The following TENM3 variants were observed in gnomAD, a reference collection of about 807,000 sequenced individuals.
The protein encoded by TENM3 is teneurin-3.
TENM3 carries 63 observed loss-of-function variants against 255.1 expected under a neutral mutation model. That is an observed-to-expected ratio of 0.25 (90% CI 0.20 to 0.30). The LOEUF is 0.30. Ranked by LOEUF, TENM3 falls within the 10% of genes least tolerant of loss-of-function variation. The pLI is 1.00. For missense variants in TENM3, 2,929 were observed against 3,461.1 expected (o/e 0.85, Z 3.86); for synonymous variants, 1,306 against 1,322.3 (o/e 0.99, Z 0.27).
At chr4:181,463,005 C>G in the TENM3 span, among the ~76,000 whole-genome samples, 3 of 152,196 alleles carry the variant, frequency 2.0e-5, no homozygotes, top group African/African-American at 7.2e-5. Context: ...TCTGTCTTGT[C>G]TACACAGTAA....
chr4:181,965,398 A>G, the TENM3 span, among the ~76,000 whole-genome samples: 1 of 152,174 alleles, frequency 6.6e-6, no homozygotes, highest in African/African-American at 2.4e-5. Context: ...GCATGTACAT[A>G]TTGCCGATCT....
the TENM3 span, among the ~76,000 whole-genome samples, chr4:181,597,978 TGG>T: frequency 2.0e-5 from 3 of 152,202 alleles, no homozygotes; most frequent in Non-Finnish European, 4.4e-5. Context: ...TACCATTCTG[TGG>T]GTCATCCCCA....
At chr4:182,486,035 G>A (rs1049078485) in intron 3 of TENM3, among the ~76,000 whole-genome samples, 7 of 152,066 alleles carry the variant, frequency 4.6e-5, no homozygotes, top group African/African-American at 1.4e-4. Flanking sequence ...TGTCGGTTTT[G>A]CAGAGTAGGT....
chr4:182,654,566 CT>C (rs1171393768), intron 6 of TENM3, among the ~76,000 whole-genome samples: 1 of 152,006 alleles, frequency 6.6e-6, no homozygotes, highest in Non-Finnish European at 1.5e-5. Flanking sequence ...TATCCTCTGA[CT>C]TTTTGCAAAA....
At chr4:181,543,251 C>G in the TENM3 span, among the ~76,000 whole-genome samples, 518 of 152,132 alleles carry the variant, frequency 3.4e-3, 4 homozygotes, top group African/African-American at 0.012. Context: ...CAGCTTGAGA[C>G]TGGGGATCTT....
intron 1 of TENM3, among the ~76,000 whole-genome samples, chr4:182,255,051 T>C (rs188505298): frequency 6.6e-6 from 1 of 152,178 alleles, no homozygotes; most frequent in Non-Finnish European, 1.5e-5. Context: ...TCGGAAAATA[T>C]CTTAAATTTC....
chr4:181,796,832 A>C, the TENM3 span, among the ~76,000 whole-genome samples: 1 of 152,336 alleles, frequency 6.6e-6, no homozygotes, highest in East Asian at 1.9e-4. Context: ...GTGGTGTTGC[A>C]TCACCACGTT....
At chr4:182,161,652 T>TATAG (rs1561152567) in intron 1 of TENM3, among the ~76,000 whole-genome samples, 30 of 75,594 alleles carry the variant, frequency 4.0e-4, no homozygotes, top group Middle Eastern at 6.3e-3. Flanking sequence ...TATATATATA[T>TATAG]ACACACACAC....
the TENM3 span, among the ~76,000 whole-genome samples, chr4:181,641,554 G>GTGTATATATATATATATATA: frequency 3.7e-5 from 1 of 26,910 alleles, no homozygotes; most frequent in Non-Finnish European, 6.5e-5. Context: ...TGGTGTGTGT[G>GTGTATATATATATATATATA]TATATATATA....
chr4:181,780,562 A>G, the TENM3 span, among the ~76,000 whole-genome samples: 1 of 152,178 alleles, frequency 6.6e-6, no homozygotes, highest in Non-Finnish European at 1.5e-5. Flanking sequence ...GTAGATCGCA[A>G]AAATTTTCTC....
At chr4:181,726,441 A>T in the TENM3 span, among the ~76,000 whole-genome samples, 1 of 152,218 alleles carries the variant, frequency 6.6e-6, no homozygotes, top group Admixed American at 6.5e-5. Context: ...CTTCAAGGAT[A>T]TGGGAACAGA....
At chr4:182,391,913 A>G (rs2150984533) in intron 3 of TENM3, among the ~76,000 whole-genome samples, 1 of 152,300 alleles carries the variant, frequency 6.6e-6, no homozygotes, top group Non-Finnish European at 1.5e-5. Flanking sequence ...AAAATATGGC[A>G]TAATATTTCA....
intron 22 of TENM3, among the ~76,000 whole-genome samples, chr4:182,758,337 A>G (rs1762879114): frequency 6.6e-6 from 1 of 152,178 alleles, no homozygotes; most frequent in Admixed American, 6.5e-5. Context: ...CACAAAAAGA[A>G]AAGGGTGGGG....
chr4:181,533,596 T>G, the TENM3 span, among the ~76,000 whole-genome samples: 2 of 152,098 alleles, frequency 1.3e-5, no homozygotes, highest in Non-Finnish European at 2.9e-5. Flanking sequence ...TCTCCTTCCC[T>G]CTCCATACCC....
chr4:181,757,831 G>A, the TENM3 span, among the ~76,000 whole-genome samples: 3 of 152,166 alleles, frequency 2.0e-5, no homozygotes. Flanking sequence ...TTTACTATTA[G>A]AAAGAAGAAC....
the TENM3 span, among the ~76,000 whole-genome samples, chr4:181,742,670 A>AT: frequency 6.6e-6 from 1 of 151,220 alleles, no homozygotes; most frequent in South Asian, 2.1e-4. Context: ...TGTTTTATTT[A>AT]TTTTTATTTT....
rs759126718 is a variant in TENM3 at position 182,225,697 on chromosome 4, G to C, written c.-76+80943G>C. On this transcript the variant is annotated intron_variant, in intron 1 of 2. Transcript: ENST00000512480. ...ATTTCAAAGGGCCAACCAGGGACAC[G>C]GGAGATGTCTCCAAAATCAAGGAAG... Among the ~76,000 whole-genome samples, 96 of 152,122 alleles carry C rather than the reference G, an allele frequency of 6.3e-4. 2 individuals are homozygous for C. Among genetic ancestry groups the C allele is most frequent in the Non-Finnish European group, 1.5e-4 (10 of 68,014 alleles).
At chr4:181,789,716 G>C in the TENM3 span, among the ~76,000 whole-genome samples, 1 of 152,102 alleles carries the variant, frequency 6.6e-6, no homozygotes, top group South Asian at 2.1e-4. Flanking sequence ...GTCAGGGCTG[G>C]AGATCAAGCT....
chr4:181,692,896 C>G, the TENM3 span, among the ~76,000 whole-genome samples: 1 of 152,152 alleles, frequency 6.6e-6, no homozygotes, highest in African/African-American at 2.4e-5. Context: ...GAGATGCTGC[C>G]TTTGCCACAG....
Sources: gnomAD v4.1 joint callset for allele counts (sites outside exome capture counted in the v4.1 genomes callset) on GRCh38, gnomAD v4.1.1 for gene constraint, MANE v1.5 for transcripts, NCBI Gene and HGNC (gene_info 2026-07-23, HGNC 2026-07-21) for gene names.